Variants in EBF1 observed in about 807,000 individuals in gnomAD.
The protein encoded by EBF1 is EBF transcription factor 1, also known as transcription factor COE1.
EBF1 carries 10 observed loss-of-function variants against 68.4 expected under a neutral mutation model. That is an observed-to-expected ratio of 0.15 (90% confidence interval 0.09 to 0.25). The LOEUF (loss-of-function observed/expected upper bound fraction) is 0.25, where lower values mean the gene tolerates loss of function less well. Among genes scored for constraint, EBF1 ranks in the 10% least tolerant of loss-of-function variants. The probability of loss-of-function intolerance (pLI) is 1.00; values close to 1 mark genes in which losing one functional copy is unlikely to be tolerated. For missense variants in EBF1, 509 were observed against 794.4 expected (o/e 0.64, Z 4.32); for synonymous variants, 298 against 299.8 (o/e 0.99, Z 0.06).
At position 158,698,192 on chromosome 5, in the gene EBF1, T is replaced by A; in HGVS notation, c.*919A>T. 1 of 221,296 alleles carries A rather than the reference T, an allele frequency of 4.5e-6. No homozygotes were observed. Among genetic ancestry groups the A allele is most frequent in the East Asian group, 6.5e-5 (1 of 15,306 alleles). 13.7% of individuals were successfully genotyped at this position (221,296 alleles called of 1,614,324 possible). Reference sequence around the variant, plus strand: ...GAGCGTACGTGAGGTTTTGGCTTGTTAACTGGAGGGCAGAGTGTGGAATTC... The same window carrying A: ...GAGCGTACGTGAGGTTTTGGCTTGTAAACTGGAGGGCAGAGTGTGGAATTC... On this transcript the variant is annotated 3_prime_UTR_variant, in exon 16 of 16. Transcript: ENST00000313708.
chr5:158,726,966 C>T lies in EBF1; in HGVS notation c.1125+4103G>A, dbSNP rs78743195. On this transcript the variant is annotated intron_variant, in intron 11 of 15. Coordinates refer to ENST00000313708, the MANE Select transcript of EBF1 (RefSeq NM_024007.5). ...GTGGCCCCCATTTACTGGAGTCTTG[C>T]TAGATGCCAGGGATGCCTCTTGGCA... 3.3e-3 allele frequency among the ~76,000 whole-genome samples: 503 copies of T among 152,334 alleles called. 7 individuals are homozygous for T. In the East Asian group the frequency reaches 0.05, roughly 15 times the overall value.
intron 7 of EBF1, among the ~76,000 whole-genome samples, chr5:158,832,562 T>C (rs1045535528): frequency 6.6e-6 from 1 of 152,208 alleles, no homozygotes; most frequent in Non-Finnish European, 1.5e-5. Flanking sequence ...AGATGTGCTA[T>C]TTGTCAAAAC....
chr5:158,786,664 T>C (rs778967898), intron 9 of EBF1, among the ~76,000 whole-genome samples: 8 of 152,314 alleles, frequency 5.3e-5, no homozygotes, highest in South Asian at 2.1e-4. Context: ...AGAAGGAACA[T>C]CATTCCCTAC....
At chr5:158,955,321 C>T (rs1443030634) in intron 6 of EBF1, among the ~76,000 whole-genome samples, 1 of 150,182 alleles carries the variant, frequency 6.7e-6, no homozygotes, top group African/African-American at 2.5e-5. Context: ...GAAACTCCAT[C>T]TAAAAAAAAA....
At chr5:158,728,553 A>C (rs986264564) in intron 11 of EBF1, among the ~76,000 whole-genome samples, 41 of 152,148 alleles carry the variant, frequency 2.7e-4, no homozygotes, top group African/African-American at 9.9e-4. Context: ...CTCAACCATT[A>C]AACCAGATTT....
chr5:159,065,271 C>A (rs13181905), intron 6 of EBF1, among the ~76,000 whole-genome samples: 53,701 of 151,796 alleles, frequency 0.35, 10,185 homozygotes, highest in Non-Finnish European at 0.44. Flanking sequence ...AGGGAACAAC[C>A]TTTTGACCAT....
At chr5:159,000,116 A>C (rs546133280) in intron 6 of EBF1, among the ~76,000 whole-genome samples, 2 of 152,326 alleles carry the variant, frequency 1.3e-5, no homozygotes, top group East Asian at 3.9e-4. Context: ...AATCATGGCA[A>C]TCATGCCAAA....
At chr5:158,818,650 A>G (rs1582179609) in intron 8 of EBF1, among the ~76,000 whole-genome samples, 1 of 152,160 alleles carries the variant, frequency 6.6e-6, no homozygotes, top group Non-Finnish European at 1.5e-5. Context: ...TTATCTTGAA[A>G]TCTTGGCACA....
intron 6 of EBF1, among the ~76,000 whole-genome samples, chr5:158,913,998 T>C (rs573883540): frequency 1.1e-3 from 171 of 152,306 alleles, no homozygotes; most frequent in African/African-American, 4.0e-3. Context: ...AGACCAGATA[T>C]CAATAATTTC....
At chr5:158,958,094 C>T (rs1276498171) in intron 6 of EBF1, among the ~76,000 whole-genome samples, 1 of 152,136 alleles carries the variant, frequency 6.6e-6, no homozygotes, top group Non-Finnish European at 1.5e-5. Context: ...TCTGTGTTTC[C>T]CGGCAAAGAG....
chr5:159,034,461 T>C (rs1423922037), intron 6 of EBF1, among the ~76,000 whole-genome samples: 2 of 152,168 alleles, frequency 1.3e-5, no homozygotes, highest in Non-Finnish European at 2.9e-5. Flanking sequence ...ATTATGGAAA[T>C]TGGGCCAGAG....
intron 6 of EBF1, among the ~76,000 whole-genome samples, chr5:158,939,891 A>G (rs953096326): frequency 7.2e-5 from 11 of 152,154 alleles, no homozygotes; most frequent in African/African-American, 1.9e-4. Context: ...AACAAACACC[A>G]TGGATTATGA....
chr5:159,028,204 C>T (rs984777151), intron 6 of EBF1, among the ~76,000 whole-genome samples: 1 of 152,158 alleles, frequency 6.6e-6, no homozygotes, highest in Non-Finnish European at 1.5e-5. Context: ...TCCTTTGGAT[C>T]AAACCTCATG....
chr5:158,713,180 C>A (rs756829673), intron 12 of EBF1, 33 bp from the exon 13 acceptor site: 1 of 1,388,476 alleles, frequency 7.2e-7, no homozygotes, highest in South Asian at 1.9e-5. Flanking sequence ...CCTTCAGCTG[C>A]CCCCAGTCAT....
chr5:158,793,122 G>A (rs1487056107), intron 9 of EBF1, among the ~76,000 whole-genome samples: 1 of 152,150 alleles, frequency 6.6e-6, no homozygotes. Context: ...ACTTCCCCAA[G>A]CTTCAATTTC....
intron 6 of EBF1, among the ~76,000 whole-genome samples, chr5:158,978,268 C>T (rs767532697): frequency 3.9e-5 from 6 of 152,228 alleles, no homozygotes; most frequent in Non-Finnish European, 7.3e-5. Context: ...AAACCGATGA[C>T]GGCAGAAACC....
At chr5:159,025,029 G>A (rs912789660) in intron 6 of EBF1, among the ~76,000 whole-genome samples, 6 of 152,258 alleles carry the variant, frequency 3.9e-5, no homozygotes, top group East Asian at 1.9e-4. Context: ...AAGGCTTTCC[G>A]TTACTTACAG....
intron 6 of EBF1, among the ~76,000 whole-genome samples, chr5:159,064,461 A>C (rs1214275250): frequency 1.3e-5 from 2 of 152,184 alleles, no homozygotes; most frequent in Non-Finnish European, 2.9e-5. Flanking sequence ...TGTGTGCCTC[A>C]GTTTACAGAT....
chr5:158,928,561 T>A (rs1810184969), intron 6 of EBF1, among the ~76,000 whole-genome samples: 1 of 152,236 alleles, frequency 6.6e-6, no homozygotes, highest in African/African-American at 2.4e-5. Flanking sequence ...CATCCATACA[T>A]TCTAAAGAGA....
Sources: gnomAD v4.1 joint callset for allele counts (sites outside exome capture counted in the v4.1 genomes callset) on GRCh38, gnomAD v4.1.1 for gene constraint, MANE v1.5 for transcripts, NCBI Gene and HGNC (gene_info 2026-07-23, HGNC 2026-07-21) for gene names.